The following PCDHGA1 variants were observed in gnomAD, a reference collection of about 807,000 sequenced individuals.
The protein encoded by PCDHGA1 is protocadherin gamma-A1.
In PCDHGA1, 32 loss-of-function variants were observed where a neutral mutation model predicts 58.0. The observed-to-expected ratio is 0.55, with a 90% CI of 0.42 to 0.74. PCDHGA1 has a LOEUF of 0.74. Among genes scored for constraint, PCDHGA1 ranks in the 30% least tolerant of loss-of-function variants. The pLI is 0.00. For synonymous variants in PCDHGA1, 498 were observed against 501.1 expected, an observed-to-expected ratio of 0.99 and a Z score of 0.08; for missense variants, 1,205 against 1,182.3, an observed-to-expected ratio of 1.02 and a Z score of -0.28.
chr5:141,425,845 GT>G (rs2096898477), intron 1 of PCDHGA1, among the ~76,000 whole-genome samples: 1 of 152,126 alleles, frequency 6.6e-6, no homozygotes, highest in Non-Finnish European at 1.5e-5. Context: ...TCTTTGCTGG[GT>G]TAATGACTGT....
At chr5:141,415,055 C>G in intron 1 of PCDHGA1, 2 of 1,613,402 alleles carry the variant, frequency 1.2e-6, no homozygotes, top group East Asian at 2.2e-5. Flanking sequence ...GGGGAGCACA[C>G]GGGCGAGGTG....
chr5:141,345,510 G>C (rs778058001), intron 1 of PCDHGA1: 15 of 1,614,100 alleles, frequency 9.3e-6, no homozygotes, highest in Non-Finnish European at 1.3e-5. Flanking sequence ...TGCATTGACC[G>C]AGGACACTCT....
chr5:141,355,361 T>A (rs1759813020), intron 1 of PCDHGA1: 1 of 1,613,902 alleles, frequency 6.2e-7, no homozygotes, highest in African/African-American at 1.3e-5. Context: ...GACCTGGGGT[T>A]GGCGCCCCGG....
At position 141,490,664 on chromosome 5, in the gene PCDHGA1, C is replaced by T; in HGVS notation, c.2422-4143C>T. 6.2e-7 allele frequency: 1 copy of T among 1,614,212 alleles called. No homozygotes were observed. The highest frequency in any genetic ancestry group is 1.1e-5 in the South Asian group (1 of 91,084). On this transcript the variant is annotated intron_variant, in intron 1 of 3. Coordinates refer to ENST00000517417, the MANE Select transcript of PCDHGA1 (RefSeq NM_018912.3). The surrounding 1 kb of genome is among the most constrained non-coding windows in gnomAD (Gnocchi z 5.4). ...CGGCCTCCGGGCTCCCTTCTTTGCA[C>T]TGTGGCTGCCTCAGATCCAGACACT...
At chr5:141,400,112 A>G in intron 1 of PCDHGA1, 1 of 1,614,034 alleles carries the variant, frequency 6.2e-7, no homozygotes. Context: ...GTCTTTGCTG[A>G]CAGCTTGCAG....
chr5:141,485,408 T>C lies in PCDHGA1; in HGVS notation c.2422-9399T>C. On this transcript the variant is annotated intron_variant, in intron 1 of 3. Transcript: ENST00000517417. The surrounding 1 kb of genome is among the most constrained non-coding windows in gnomAD (Gnocchi z 5.7). ...GAACCAAAGACACTTCCGTGTGGAT[T>C]TGGACAGCGGAGCCCTGCTCATCAA... 1 of 1,614,112 alleles carries C rather than the reference T, an allele frequency of 6.2e-7. No individual in the cohort carries two copies. Among genetic ancestry groups the C allele is most frequent in the Non-Finnish European group, 8.5e-7 (1 of 1,180,034 alleles).
chr5:141,471,047 T>C (rs1270779800), intron 1 of PCDHGA1, among the ~76,000 whole-genome samples: 3 of 63,666 alleles, frequency 4.7e-5, no homozygotes. Flanking sequence ...CCAAGCCCTC[T>C]TTTTTTTTTT....
chr5:141,388,848 G>T (rs766706887), intron 1 of PCDHGA1: 1 of 1,613,942 alleles, frequency 6.2e-7, no homozygotes, highest in East Asian at 2.2e-5. Context: ...AGCAAGGGAC[G>T]GTGGAGGAAT....
In PCDHGA1 at chr5:141,491,927, G is replaced by A. The variant is rs1314503730; in HGVS notation, c.2422-2880G>A. 3 of 1,309,982 alleles carry A rather than the reference G, an allele frequency of 2.3e-6. No individual in the cohort carries two copies. In the African/African-American group the frequency reaches 4.5e-5, roughly 20 times the overall value. 81.1% of individuals were successfully genotyped at this position (1,309,982 alleles called of 1,614,324 possible). A position where few individuals can be genotyped will look rare whatever the true frequency, so the allele number is the denominator to read the frequency against. On this transcript the variant is annotated intron_variant, in intron 1 of 3. Coordinates refer to ENST00000517417, the MANE Select transcript of PCDHGA1 (RefSeq NM_018912.3). The surrounding 1 kb of genome is among the most constrained non-coding windows in gnomAD (Gnocchi z 6.9). ...GTGGTGGCGACTGTGGGCGAGGGGAGGTGGGACCGACCCCCACCCCTACAC... is the reference window on the plus strand; with the variant it reads ...GTGGTGGCGACTGTGGGCGAGGGGAAGTGGGACCGACCCCCACCCCTACAC...
At chr5:141,384,448 C>A (rs1780101973) in intron 1 of PCDHGA1, 2 of 1,614,070 alleles carry the variant, frequency 1.2e-6, no homozygotes, top group Non-Finnish European at 1.7e-6. Flanking sequence ...CCTGTACGCG[C>A]TGCAATCCTT....
intron 1 of PCDHGA1, chr5:141,356,007 A>T: frequency 6.2e-7 from 1 of 1,613,952 alleles, no homozygotes; most frequent in Non-Finnish European, 8.5e-7. Context: ...CCACTGATCC[A>T]GATGAAGGAG....
At position 141,476,209 on chromosome 5, in the gene PCDHGA1, G is replaced by A. The variant is rs749576231; in HGVS notation, c.2422-18598G>A. ...TTGGTGCCTTGAACAAGGCTTCCAC[G>A]GTCATTCACTATGAGATCCCGGAGG... On this transcript the variant is annotated intron_variant, in intron 1 of 3. Coordinates refer to ENST00000517417, the MANE Select transcript of PCDHGA1 (RefSeq NM_018912.3). The surrounding 1 kb of genome is among the most constrained non-coding windows in gnomAD (Gnocchi z 7.6). The A allele has an allele frequency of 3.1e-6, 5 of 1,613,974 alleles. No individual in the cohort carries two copies. Among genetic ancestry groups the A allele is most frequent in the Admixed American group, 1.7e-5 (1 of 60,014 alleles).
intron 1 of PCDHGA1, chr5:141,403,199 A>AC (rs1480420470): frequency 6.2e-7 from 1 of 1,613,812 alleles, no homozygotes; most frequent in African/African-American, 1.3e-5. Flanking sequence ...GCGCAGCGGC[A>AC]CCTTGGTCAC....
chr5:141,340,839 C>G, intron 1 of PCDHGA1: 2 of 1,613,632 alleles, frequency 1.2e-6, no homozygotes, highest in Non-Finnish European at 1.7e-6. Context: ...GGTCTGCACA[C>G]GGGCGAGGTG....
intron 1 of PCDHGA1, chr5:141,413,769 G>T: frequency 6.2e-7 from 1 of 1,612,870 alleles, no homozygotes; most frequent in Non-Finnish European, 8.5e-7. Flanking sequence ...ACCCGGAGCT[G>T]GTACTGGAGC....
intron 1 of PCDHGA1, chr5:141,390,549 T>A (rs1258668887): frequency 2.1e-6 from 1 of 482,262 alleles, no homozygotes; most frequent in Non-Finnish European, 3.7e-6. Context: ...AAAGTGAAAG[T>A]GTTAGACAGT....
At position 141,398,835 on chromosome 5, in the gene PCDHGA1, T is replaced by C. The variant is rs371527677; in HGVS notation, c.2421+65730T>C. The C allele has an allele frequency of 2.0e-5, 33 of 1,613,914 alleles. No homozygotes were observed. In the African/African-American group the frequency reaches 3.7e-4, roughly 18 times the overall value. ...TCCGGATCCAGGTAACCGACGCCAA[T>C]GATAATCCCCCGGTATTCAACCGAG... On this transcript the variant is annotated intron_variant, in intron 1 of 3. Transcript: ENST00000517417.
At chr5:141,488,932 A>G (rs2233598) in intron 1 of PCDHGA1, among the ~76,000 whole-genome samples, 31,368 of 152,090 alleles carry the variant, frequency 0.21, 3,372 homozygotes, top group Admixed American at 0.31. Flanking sequence ...GGATTGAGGA[A>G]ACTCCATAAT....
chr5:141,333,310 G>A (rs2149714630), intron 1 of PCDHGA1: 5 of 807,024 alleles, frequency 6.2e-6, no homozygotes, highest in Middle Eastern at 7.3e-4. Context: ...AAAGGAGACT[G>A]TGATCATAAT....
Sources: allele counts gnomAD v4.1 joint callset (sites outside exome capture counted in the v4.1 genomes callset), GRCh38; gene constraint gnomAD v4.1.1; non-coding constraint Gnocchi (gnomAD v3.1); transcripts MANE v1.5; gene names NCBI Gene and HGNC (gene_info 2026-07-23, HGNC 2026-07-21).